The following TENM2 variants were observed in gnomAD, a reference collection of about 807,000 sequenced individuals.
TENM2 encodes the protein teneurin transmembrane protein 2.
In TENM2, 52 loss-of-function variants were observed where a neutral mutation model predicts 245.2. The observed-to-expected ratio is 0.21, with a 90% CI of 0.17 to 0.27. The LOEUF is 0.27. Among genes scored for constraint, TENM2 ranks in the 10% least tolerant of loss-of-function variants. TENM2 has a pLI of 1.00. For synonymous variants in TENM2, 1,363 were observed against 1,438.9 expected, an observed-to-expected ratio of 0.95 and a Z score of 1.19; for missense variants, 3,046 against 3,666.8, an observed-to-expected ratio of 0.83 and a Z score of 4.37.
At chr5:167,531,704 G>GT (rs151264347) in intron 2 of TENM2, among the ~76,000 whole-genome samples, 11,011 of 151,660 alleles carry the variant, frequency 0.073, 939 homozygotes, top group Admixed American at 0.22. Context: ...GATTCCACGT[G>GT]TAAGTGAGAT....
At chr5:167,157,904 G>A in the TENM2 span, among the ~76,000 whole-genome samples, 1 of 151,844 alleles carries the variant, frequency 6.6e-6, no homozygotes, top group Non-Finnish European at 1.5e-5. Flanking sequence ...AGTTTAATTA[G>A]TTATTTATAA....
exon 19 of TENM2, chr5:168,204,456 G>A (rs576555897): frequency 1.8e-5 from 29 of 1,613,984 alleles, no homozygotes; most frequent in African/African-American, 9.3e-5. Flanking sequence ...AATGGTCGCC[G>A]CCGGAGCATT....
At chr5:167,841,654 C>G (rs1769527913) in intron 2 of TENM2, among the ~76,000 whole-genome samples, 1 of 152,106 alleles carries the variant, frequency 6.6e-6, no homozygotes, top group African/African-American at 2.4e-5. Context: ...TTACCAAAAC[C>G]AAGAAATTTA....
At chr5:168,089,040 C>G (rs1452043357) in intron 7 of TENM2, among the ~76,000 whole-genome samples, 1 of 152,194 alleles carries the variant, frequency 6.6e-6, no homozygotes, top group Admixed American at 6.5e-5. Context: ...AGTCAGCATG[C>G]AAGTGACTTT....
In TENM2 at chr5:167,353,729, G is replaced by T. The variant is rs552638264; in HGVS notation, c.227-21469G>T. Among the ~76,000 whole-genome samples, 335 of 151,754 alleles carry T rather than the reference G, an allele frequency of 2.2e-3. 1 individual carries two copies. The highest frequency in any genetic ancestry group is 7.8e-3 in the African/African-American group (325 of 41,434). On this transcript the variant is annotated intron_variant, in intron 1 of 28. Coordinates refer to ENST00000518659, the Ensembl canonical transcript of TENM2. ...TCACCGTTTTAGCCGGGATGGTCTC[G>T]ATCTCCTGACCTCGTGATCCGCCCG... is the stretch of plus-strand genomic sequence containing the variant.
chr5:167,470,760 G>A (rs1327428659), intron 2 of TENM2, among the ~76,000 whole-genome samples: 1 of 151,946 alleles, frequency 6.6e-6, no homozygotes, highest in Non-Finnish European at 1.5e-5. Flanking sequence ...GGAGGCTGAG[G>A]CAAGCAACAC....
At position 168,183,382 on chromosome 5, in the gene TENM2, CAA is replaced by C. The variant is rs113892292; in HGVS notation, c.2570-6945_2570-6944del. Reference sequence around the variant, plus strand: ...TGTTTATATAGCCAGGGGCCCAGCACAAAAAAAAAAATGCCCTTTGACTGGGG... The same window carrying C: ...TGTTTATATAGCCAGGGGCCCAGCACAAAAAAAAATGCCCTTTGACTGGGG... On this transcript the variant is annotated intron_variant, in intron 13 of 28. Coordinates refer to ENST00000518659, the Ensembl canonical transcript of TENM2. Among the ~76,000 whole-genome samples, 95 of 145,726 alleles carry C rather than the reference CAA, an allele frequency of 6.5e-4. 1 individual carries two copies. The highest frequency in any genetic ancestry group is 7.3e-3 in the Middle Eastern group (2 of 274).
intron 3 of TENM2, among the ~76,000 whole-genome samples, chr5:167,913,347 G>A (rs1249255806): frequency 3.3e-5 from 5 of 152,146 alleles, no homozygotes; most frequent in African/African-American, 1.2e-4. Flanking sequence ...TTCACATACT[G>A]CCACCAATCA....
At chr5:168,188,509 G>C (rs565710886) in intron 13 of TENM2, among the ~76,000 whole-genome samples, 4 of 152,194 alleles carry the variant, frequency 2.6e-5, no homozygotes, top group Non-Finnish European at 5.9e-5. Flanking sequence ...TCACAGACAG[G>C]TGAGGAATGG....
At chr5:167,844,712 G>A (rs528487687) in intron 2 of TENM2, among the ~76,000 whole-genome samples, 17 of 152,232 alleles carry the variant, frequency 1.1e-4, no homozygotes, top group Non-Finnish European at 2.2e-4. Flanking sequence ...AAACTCATGT[G>A]CATAAGCTCT....
At chr5:167,271,799 T>A in the TENM2 span, among the ~76,000 whole-genome samples, 4 of 152,168 alleles carry the variant, frequency 2.6e-5, no homozygotes, top group South Asian at 8.3e-4. Flanking sequence ...ATTTGCTTAT[T>A]CTTTCTTGCT....
the TENM2 span, among the ~76,000 whole-genome samples, chr5:167,243,059 G>A: frequency 9.2e-5 from 14 of 151,784 alleles, no homozygotes; most frequent in East Asian, 2.5e-3. Flanking sequence ...TAAAAGAGTA[G>A]GAAAAGATGG....
At chr5:167,861,395 G>A (rs1431169487) in intron 2 of TENM2, among the ~76,000 whole-genome samples, 1 of 152,166 alleles carries the variant, frequency 6.6e-6, no homozygotes, top group Non-Finnish European at 1.5e-5. Flanking sequence ...ACCATTTGGA[G>A]CCCCACAGGT....
chr5:167,210,923 C>T, the TENM2 span, among the ~76,000 whole-genome samples: 1 of 152,042 alleles, frequency 6.6e-6, no homozygotes, highest in African/African-American at 2.4e-5. Flanking sequence ...TGTATTATCT[C>T]CCCTTCAGGA....
Position 167,445,332 on chromosome 5 carries a change from T to TAGGGAGAG in TENM2, c.502+69860_502+69861insGGGAGAGA, listed in dbSNP as rs71591182. On this transcript the variant is annotated intron_variant, in intron 2 of 28. Transcript: ENST00000518659. ...ATGATTATATATATATATATATATA[T>TAGGGAGAG]ATATAGAGAGAGAGAGAGAGAGAGA... Among the ~76,000 whole-genome samples, 14 of 77,046 alleles carry TAGGGAGAG rather than the reference T, an allele frequency of 1.8e-4. 1 individual carries two copies. The highest frequency in any genetic ancestry group is 6.4e-4 in the African/African-American group (11 of 17,268). 50.5% of individuals were successfully genotyped at this position (77,046 alleles called of 152,430 possible).
chr5:167,075,225 G>A, the TENM2 span, among the ~76,000 whole-genome samples: 1 of 152,072 alleles, frequency 6.6e-6, no homozygotes, highest in Admixed American at 6.6e-5. Context: ...AGTTTCATGG[G>A]GGAGAACCTG....
At chr5:168,137,976 A>T (rs1755208996) in intron 12 of TENM2, among the ~76,000 whole-genome samples, 2 of 152,350 alleles carry the variant, frequency 1.3e-5, no homozygotes, top group Middle Eastern at 3.4e-3. Context: ...TAAGCAGTTT[A>T]AAATGCATAA....
intron 12 of TENM2, among the ~76,000 whole-genome samples, chr5:168,158,850 T>TATATATATATATATATATATATATACAC (rs1339051385): frequency 3.7e-4 from 23 of 62,270 alleles, no homozygotes; most frequent in Non-Finnish European, 6.3e-4. Flanking sequence ...TATATATATA[T>TATATATATATATATATATATATATACAC]ACACACACAC....
chr5:167,477,150 A>AT (rs548044393), intron 2 of TENM2, among the ~76,000 whole-genome samples: 3 of 152,078 alleles, frequency 2.0e-5, no homozygotes, highest in African/African-American at 7.2e-5. Context: ...CAAAGAATAT[A>AT]TTTTTTAAAT....
Sources: allele counts gnomAD v4.1 joint callset (sites outside exome capture counted in the v4.1 genomes callset), GRCh38; gene constraint gnomAD v4.1.1; transcripts MANE v1.5; gene names NCBI Gene and HGNC (gene_info 2026-07-23, HGNC 2026-07-21).